MYO5B: variants seen among roughly 807,000 people sequenced by gnomAD.
MYO5B encodes the protein myosin VB.
A neutral mutation model predicts 229.3 loss-of-function variants in MYO5B; 143 were observed. The observed-to-expected ratio is 0.62, with a 90% confidence interval of 0.54 to 0.72. MYO5B has a LOEUF of 0.72. Ranked by LOEUF, MYO5B falls within the 30% of genes least tolerant of loss-of-function variation. The probability of loss-of-function intolerance (pLI) is 0.00; values close to 1 mark genes in which losing one functional copy is unlikely to be tolerated. For synonymous variants in MYO5B, 918 were observed against 885.2 expected, an observed-to-expected ratio of 1.04 and a Z score of -0.66; for missense variants, 2,321 against 2,331.0, an observed-to-expected ratio of 1.00 and a Z score of 0.09.
chr18:50,125,519 A>G (rs2032147566), intron 1 of MYO5B, among the ~76,000 whole-genome samples: 1 of 152,192 alleles, frequency 6.6e-6, no homozygotes, highest in Admixed American at 6.5e-5. Context: ...TTAAAGTATA[A>G]TAGTAATAAT....
chr18:49,974,629 G>A lies in MYO5B; in HGVS notation c.1057-14C>T, dbSNP rs2025725484. On this transcript the variant is annotated splice_polypyrimidine_tract_variant and intron_variant, in intron 9 of 39. Coordinates refer to ENST00000285039, the MANE Select transcript of MYO5B (RefSeq NM_001080467.3). Reference sequence around the variant, plus strand: ...TACATCCTGGGGCTGTGGGAGATGGGGGAGATAGGTTCAGGAGGAGTGTGG... The same window carrying A: ...TACATCCTGGGGCTGTGGGAGATGGAGGAGATAGGTTCAGGAGGAGTGTGG... The A allele has an allele frequency of 6.2e-7, 1 of 1,612,094 alleles. No homozygotes were observed.
chr18:50,005,517 C>A (rs943739294), intron 4 of MYO5B, among the ~76,000 whole-genome samples: 1 of 152,294 alleles, frequency 6.6e-6, no homozygotes, highest in Non-Finnish European at 1.5e-5. Context: ...CTCAGGCGAT[C>A]CCCCAACCAC....
Position 50,169,344 on chromosome 18 carries a change from G to A in MYO5B, c.27+25423C>T, listed in dbSNP as rs867766881. On this transcript the variant is annotated intron_variant, in intron 1 of 39. Transcript: ENST00000285039. ...TAGGAAATGCAGGGGAGGGTAATGA[G>A]TCAGCATTTAATCAAGTCCCTCCTG... Among the ~76,000 whole-genome samples the A allele has an allele frequency of 1.6e-5, 2 of 126,950 alleles. 1 individual carries two copies. The highest frequency in any genetic ancestry group is 3.4e-5 in the Non-Finnish European group (2 of 59,650). 83.3% of individuals were successfully genotyped at this position (126,950 alleles called of 152,430 possible).
chr18:50,118,107 T>G (rs528470659), intron 1 of MYO5B, among the ~76,000 whole-genome samples: 1 of 152,262 alleles, frequency 6.6e-6, no homozygotes, highest in Non-Finnish European at 1.5e-5. Context: ...AGCAAATGTT[T>G]GCCAAATGAT....
intron 10 of MYO5B, among the ~76,000 whole-genome samples, chr18:49,969,372 T>C (rs1170455545): frequency 6.6e-6 from 1 of 152,160 alleles, no homozygotes; most frequent in Non-Finnish European, 1.5e-5. Flanking sequence ...AGGTGAACAG[T>C]GGGTCTAAGA....
chr18:50,156,913 A>C (rs2032687740), intron 1 of MYO5B, among the ~76,000 whole-genome samples: 1 of 152,164 alleles, frequency 6.6e-6, no homozygotes, highest in African/African-American at 2.4e-5. Flanking sequence ...TACTGTCACC[A>C]ATGAAGTCCA....
Position 49,826,213 on chromosome 18 carries a change from T to C in MYO5B, c.*258A>G. 2.1e-6 allele frequency: 1 copy of C among 472,580 alleles called. No homozygotes were observed. The highest frequency in any genetic ancestry group is 2.1e-5 in the South Asian group (1 of 48,058). The allele number at this position is 472,580 out of a possible 1,614,324, so 29.3% of individuals were successfully genotyped here. A position where few individuals can be genotyped will look rare whatever the true frequency, so the allele number is the denominator to read the frequency against. ...ATGTCTATGGGGACTGCTTGGTGTC[T>C]ATAAATTATGTATATGTGTTGGACT... On this transcript the variant is annotated 3_prime_UTR_variant, in exon 40 of 40. Transcript: ENST00000285039.
At chr18:49,881,047 G>A (rs896909770) in intron 22 of MYO5B, among the ~76,000 whole-genome samples, 13 of 152,150 alleles carry the variant, frequency 8.5e-5, no homozygotes, top group Non-Finnish European at 1.6e-4. Context: ...AAATACGAAG[G>A]GAGCTAAAAG....
intron 17 of MYO5B, among the ~76,000 whole-genome samples, chr18:49,925,263 T>G (rs145602610): frequency 3.1e-4 from 47 of 152,378 alleles, no homozygotes; most frequent in African/African-American, 1.1e-3. Context: ...CTATTGATAA[T>G]ATCCCCACCA....
intron 21 of MYO5B, 80 bp downstream of exon 21, chr18:49,902,514 C>T: frequency 1.3e-6 from 2 of 1,589,002 alleles, no homozygotes; most frequent in Non-Finnish European, 1.7e-6. Context: ...TGTGCAGTTC[C>T]TCAAGGAAGC....
chr18:49,853,564 T>G lies in MYO5B; in HGVS notation c.4106A>C (p.Lys1369Thr). ...CTGCTGCTGTTTGTCCATCTCCTCC[T>G]TCAGGGCCTCGAGCTGAGCCTTGAG... is the stretch of plus-strand genomic sequence containing the variant. ...EHLKAQLEAL[K>T]EEMDKQQQTF... is the part of the protein sequence containing the mutation. Residue 1369 changes from lysine (K) to threonine (T), a missense_variant, in exon 31 of 40, where the codon AAG (lysine) becomes ACG (threonine). Transcript: ENST00000285039. 6.2e-7 allele frequency: 1 copy of G among 1,614,194 alleles called. No individual in the cohort carries two copies. Among genetic ancestry groups the G allele is most frequent in the Non-Finnish European group, 8.5e-7 (1 of 1,180,038 alleles).
chr18:49,990,322 T>A (rs1261000429), intron 7 of MYO5B, 117 bp downstream of exon 7: 1 of 836,234 alleles, frequency 1.2e-6, no homozygotes, highest in Non-Finnish European at 2.0e-6. Context: ...TATGGCCACA[T>A]AAGAGGCAGA....
At chr18:50,055,923 CTT>C (rs895929860) in intron 1 of MYO5B, among the ~76,000 whole-genome samples, 14 of 152,150 alleles carry the variant, frequency 9.2e-5, no homozygotes, top group African/African-American at 3.4e-4. Context: ...TCTGTCCACT[CTT>C]TTTCTTTTTT....
intron 7 of MYO5B, among the ~76,000 whole-genome samples, chr18:49,985,350 T>A (rs578193370): frequency 6.6e-6 from 1 of 152,288 alleles, no homozygotes; most frequent in Admixed American, 6.5e-5. Context: ...TACCCTTACA[T>A]GTTTGCTGTC....
At chr18:50,094,097 GAA>G (rs2031503954) in intron 1 of MYO5B, among the ~76,000 whole-genome samples, 1 of 152,164 alleles carries the variant, frequency 6.6e-6, no homozygotes, top group Non-Finnish European at 1.5e-5. Context: ...TGAGATCCAA[GAA>G]CCTTCTCTTG....
intron 1 of MYO5B, among the ~76,000 whole-genome samples, chr18:50,065,233 T>C (rs1016834750): frequency 6.6e-6 from 1 of 152,198 alleles, no homozygotes; most frequent in Non-Finnish European, 1.5e-5. Flanking sequence ...CACCTAATCC[T>C]CTACAAGTAT....
At chr18:50,036,745 CAA>C in intron 4 of MYO5B, 103 bp downstream of exon 4, 15 of 1,361,530 alleles carry the variant, frequency 1.1e-5, no homozygotes, top group Non-Finnish European at 1.6e-5. Context: ...TCCTCAGTCC[CAA>C]TCTCACCACC....
intron 12 of MYO5B, among the ~76,000 whole-genome samples, 172 bp downstream of exon 12, chr18:49,962,094 C>G (rs16951324): frequency 6.6e-6 from 1 of 152,152 alleles, no homozygotes; most frequent in East Asian, 1.9e-4. Context: ...AAACATGTTG[C>G]CTTCTAGCAC....
At chr18:50,047,927 C>T (rs1185987243) in intron 2 of MYO5B, among the ~76,000 whole-genome samples, 45 of 102,742 alleles carry the variant, frequency 4.4e-4, no homozygotes, top group Middle Eastern at 9.8e-3. Flanking sequence ...CATCACACGC[C>T]GGGGACTGTT....
Sources: allele counts gnomAD v4.1 joint callset (sites outside exome capture counted in the v4.1 genomes callset), GRCh38; gene constraint gnomAD v4.1.1; transcripts MANE v1.5; gene names NCBI Gene and HGNC (gene_info 2026-07-23, HGNC 2026-07-21).